Variants in GYS2 observed in about 807,000 individuals in gnomAD.
GYS2 encodes glycogen [starch] synthase, liver.
A neutral mutation model predicts 85.6 loss-of-function variants in GYS2; 80 were observed. The ratio of observed to expected loss-of-function variants is 0.93; its 90% CI spans 0.78 to 1.13. The LOEUF (loss-of-function observed/expected upper bound fraction) is 1.13. GYS2 is among the 50% of genes most tolerant of loss of function. The pLI, the probability that GYS2 is intolerant of heterozygous loss-of-function variation, is 0.00. For missense variants in GYS2, 881 were observed against 854.9 expected (o/e 1.03, Z -0.38); for synonymous variants, 328 against 300.7 (o/e 1.09, Z -0.94).
At chr12:21,560,701 T>G (rs1944242840) in intron 7 of GYS2, among the ~76,000 whole-genome samples, 1 of 152,212 alleles carries the variant, frequency 6.6e-6, no homozygotes, top group Non-Finnish European at 1.5e-5. Flanking sequence ...ATTTTCAGTC[T>G]GTACTTGCCA....
At chr12:21,583,212 G>A (rs1944532186) in intron 1 of GYS2, among the ~76,000 whole-genome samples, 1 of 152,160 alleles carries the variant, frequency 6.6e-6, no homozygotes, top group Admixed American at 6.5e-5. Flanking sequence ...ACAGAGGATG[G>A]GAAATAAATC....
chr12:21,545,334 C>T (rs11046111), intron 12 of GYS2, among the ~76,000 whole-genome samples: 2,024 of 152,108 alleles, frequency 0.013, 33 homozygotes, highest in Non-Finnish European at 0.021. Flanking sequence ...CCCAGCTACT[C>T]AAGAGGCTGA....
At chr12:21,546,601 G>C in intron 11 of GYS2, 131 bp from the exon 12 acceptor site, 1 of 623,832 alleles carries the variant, frequency 1.6e-6, no homozygotes, top group Non-Finnish European at 2.8e-6. Context: ...GAAAAAAAGA[G>C]ATAAGACAAA....
At chr12:21,600,524 G>A (rs1216139503) in intron 1 of GYS2, among the ~76,000 whole-genome samples, 1 of 152,070 alleles carries the variant, frequency 6.6e-6, no homozygotes, top group Non-Finnish European at 1.5e-5. Flanking sequence ...CGGGAAGGAT[G>A]GGATCCTTTT....
At chr12:21,604,450 C>G in intron 1 of GYS2, 22 bp downstream of exon 1, 1 of 1,455,534 alleles carries the variant, frequency 6.9e-7, no homozygotes, top group South Asian at 1.1e-5. Flanking sequence ...TGTACTGATC[C>G]ACCTTCAGGA....
At chr12:21,552,395 A>G (rs1462915750) in intron 11 of GYS2, among the ~76,000 whole-genome samples, 3 of 140,944 alleles carry the variant, frequency 2.1e-5, no homozygotes, top group African/African-American at 7.9e-5. Flanking sequence ...ATCAAATATG[A>G]CATTCATATC....
At chr12:21,593,545 C>A (rs1159243254) in intron 1 of GYS2, among the ~76,000 whole-genome samples, 1 of 151,882 alleles carries the variant, frequency 6.6e-6, no homozygotes, top group Non-Finnish European at 1.5e-5. Context: ...TGGACACATA[C>A]CACCTACCAA....
chr12:21,602,784 A>G (rs900131176), intron 1 of GYS2, among the ~76,000 whole-genome samples: 1 of 152,076 alleles, frequency 6.6e-6, no homozygotes, highest in Non-Finnish European at 1.5e-5. Context: ...TAAGATCCAT[A>G]AAATAACTTA....
chr12:21,599,178 A>G (rs767984638), intron 1 of GYS2, among the ~76,000 whole-genome samples: 24 of 152,062 alleles, frequency 1.6e-4, no homozygotes, highest in Non-Finnish European at 2.9e-4. Context: ...TATTTTGTAT[A>G]TGCTTAAAAA....
At chr12:21,567,221 T>A (rs936199843) in intron 5 of GYS2, among the ~76,000 whole-genome samples, 2 of 152,144 alleles carry the variant, frequency 1.3e-5, no homozygotes, top group Admixed American at 6.5e-5. Flanking sequence ...TTTACTCTTA[T>A]AAGATATTTG....
rs140199853 is a variant in GYS2, at chr12:21,560,571, A to C, written c.1063-79T>G. ...TGATAGATGGAACTTAAACATTGAAAAGTAGAGTTTTAAAATATCAGTAGA... is the reference window on the plus strand; with the variant it reads ...TGATAGATGGAACTTAAACATTGAACAGTAGAGTTTTAAAATATCAGTAGA... On this transcript the variant is annotated intron_variant, in intron 7 of 15. Transcript: ENST00000261195. 41 of 786,652 alleles carry C rather than the reference A, an allele frequency of 5.2e-5. No homozygotes were observed. In the African/African-American group the frequency reaches 5.7e-4, roughly 11 times the overall value. 48.7% of individuals were successfully genotyped at this position (786,652 alleles called of 1,614,324 possible). A position where few individuals can be genotyped will look rare whatever the true frequency, so the allele number is the denominator to read the frequency against.
At chr12:21,567,309 C>T (rs1944332307) in intron 5 of GYS2, among the ~76,000 whole-genome samples, 1 of 151,764 alleles carries the variant, frequency 6.6e-6, no homozygotes, top group South Asian at 2.1e-4. Flanking sequence ...TTAGAATAGG[C>T]AAAAACAAAG....
At position 21,551,013 on chromosome 12, in the gene GYS2, A is replaced by AAAAAT. The variant is rs1555154968; in HGVS notation, c.1423-4544_1423-4543insATTTT. On this transcript the variant is annotated intron_variant, in intron 11 of 15. Transcript: ENST00000261195. ...ACTCTACACTTTTCTTTTTTTTTTAATTTTTTTTTATTATACTTTAAGTTT... is the reference window on the plus strand; with the variant it reads ...ACTCTACACTTTTCTTTTTTTTTTAAAAAATTTTTTTTTTATTATACTTTAAGTTT... Among the ~76,000 whole-genome samples, 340 of 151,564 alleles carry AAAAAT rather than the reference A, an allele frequency of 2.2e-3. 2 individuals are homozygous for AAAAAT. The highest frequency in any genetic ancestry group is 0.017 in the South Asian group (84 of 4,804).
At chr12:21,537,433 A>C in intron 15 of GYS2, 2 of 483,414 alleles carry the variant, frequency 4.1e-6, no homozygotes, top group African/African-American at 2.0e-5. Context: ...TTTTAACAAC[A>C]CTCTGATAAA....
intron 1 of GYS2, among the ~76,000 whole-genome samples, chr12:21,592,570 C>A: frequency 6.6e-6 from 1 of 151,906 alleles, no homozygotes; most frequent in Non-Finnish European, 1.5e-5. Context: ...ATAAAAGGAA[C>A]AATTCAGCAA....
chr12:21,536,056 A>G (rs1943907275), downstream of GYS2: 3 of 152,268 alleles, frequency 2.0e-5, no homozygotes, highest in African/African-American at 4.8e-5. Flanking sequence ...TGCTTCCCAC[A>G]TGTTATTCGA....
intron 12 of GYS2, among the ~76,000 whole-genome samples, chr12:21,543,710 C>A (rs867481297): frequency 6.6e-6 from 1 of 152,122 alleles, no homozygotes. Flanking sequence ...GCCCTGCATG[C>A]ATTAGGTATT....
In GYS2 at chr12:21,604,507, A is replaced by G. The variant is rs1242569336; in HGVS notation, c.86T>C (p.Leu29Pro). ...EVEELPVEEL[L>P]LFEVAWEVTN... ...CACTTCCCAAGCAACTTCAAAGAGC[A>G]GTAACTCCTCCACAGGAAGTTCTTC... The change falls in exon 1 of 16, where the codon CTG becomes CCG. Residue 29 changes from leucine (L) to proline (P), a missense_variant. Coordinates refer to ENST00000261195, the MANE Select transcript of GYS2 (RefSeq NM_021957.4). The G allele has an allele frequency of 1.1e-5, 17 of 1,612,514 alleles. No homozygotes were observed. Among genetic ancestry groups the G allele is most frequent in the Non-Finnish European group, 1.3e-5 (15 of 1,178,738 alleles).
In GYS2 at chr12:21,540,554, C is replaced by G. The variant is rs904230994; in HGVS notation, c.1665G>C (p.Arg555Ser). Residue 555 changes from arginine to serine, a missense_variant, in exon 14 of 16, where the codon AGG becomes AGC. Coordinates refer to ENST00000261195, the MANE Select transcript of GYS2 (RefSeq NM_021957.4). ...PTAYGIYIVD[R>S]RFRSPDDSCN... ...AAGAATCATCTGGAGAACGGAACCG[C>G]CTGTCAACGATGTAAATACCTGAAG... The G allele has an allele frequency of 8.1e-6, 13 of 1,613,880 alleles. No homozygotes were observed. The highest frequency in any genetic ancestry group is 1.0e-5 in the Non-Finnish European group (12 of 1,179,940).
Sources: gnomAD v4.1 joint callset for allele counts (sites outside exome capture counted in the v4.1 genomes callset) on GRCh38, gnomAD v4.1.1 for gene constraint, MANE v1.5 for transcripts, NCBI Gene and HGNC (gene_info 2026-07-23, HGNC 2026-07-21) for gene names.